ADGRA3: variants seen among roughly 807,000 people sequenced by gnomAD.
ADGRA3 encodes adhesion G protein-coupled receptor A3, also known as G-protein coupled receptor 125.
A neutral mutation model predicts 119.8 loss-of-function variants in ADGRA3; 56 were observed. The ratio of observed to expected loss-of-function variants is 0.47; its 90% CI spans 0.38 to 0.58. The LOEUF (loss-of-function observed/expected upper bound fraction) is 0.58. ADGRA3 is among the 20% of genes least tolerant of loss of function. ADGRA3 has a pLI of 0.00. For synonymous variants in ADGRA3, 607 were observed against 623.8 expected (o/e 0.97, Z 0.40); for missense variants, 1,516 against 1,649.0 (o/e 0.92, Z 1.40).
At chr4:22,501,180 A>T (rs1267264829) in intron 1 of ADGRA3, among the ~76,000 whole-genome samples, 1 of 152,152 alleles carries the variant, frequency 6.6e-6, no homozygotes, top group Non-Finnish European at 1.5e-5. Flanking sequence ...CTATCTCTTC[A>T]TCTAGCCTAT....
At chr4:22,490,996 T>G (rs1438222511) in intron 1 of ADGRA3, among the ~76,000 whole-genome samples, 1 of 151,726 alleles carries the variant, frequency 6.6e-6, no homozygotes, top group East Asian at 1.9e-4. Flanking sequence ...CATGAATGGA[T>G]CAAGGGAGGG....
intron 1 of ADGRA3, among the ~76,000 whole-genome samples, chr4:22,488,270 G>T (rs1718503940): frequency 1.3e-5 from 2 of 152,024 alleles, no homozygotes; most frequent in Admixed American, 6.6e-5. Context: ...TTACTAGCCA[G>T]GCCTAGACAG....
chr4:22,512,727 A>C (rs145315910), intron 1 of ADGRA3, among the ~76,000 whole-genome samples: 3 of 152,172 alleles, frequency 2.0e-5, no homozygotes, highest in Non-Finnish European at 4.4e-5. Flanking sequence ...AATTCTTCCT[A>C]AAGTCCTCAG....
intron 4 of ADGRA3, among the ~76,000 whole-genome samples, chr4:22,453,920 T>C (rs1212151846): frequency 6.6e-6 from 1 of 152,072 alleles, no homozygotes; most frequent in Non-Finnish European, 1.5e-5. Flanking sequence ...GGCGTAATCT[T>C]GGCTCACTGC....
chr4:22,392,956 GA>G, intron 16 of ADGRA3: 1 of 317,112 alleles, frequency 3.2e-6, no homozygotes, highest in Non-Finnish European at 5.7e-6. Flanking sequence ...ATACAGGACA[GA>G]ACTGGCTCCC....
rs150873441 is a variant in ADGRA3 at position 22,436,235 on chromosome 4, G to A, written c.1287+205C>T. ...TTCAAACAAAGGCACAAAGGGAGAT[G>A]GTGACTGCAAAGGAAGGATTCTATA... On this transcript the variant is annotated intron_variant, in intron 9 of 18. Coordinates refer to ENST00000334304, the MANE Select transcript of ADGRA3 (RefSeq NM_145290.4). Among the ~76,000 whole-genome samples the A allele has an allele frequency of 2.3e-3, 348 of 152,018 alleles. 1 individual carries two copies. Among genetic ancestry groups the A allele is most frequent in the African/African-American group, 7.8e-3 (325 of 41,486 alleles).
At chr4:22,502,604 G>A (rs764266130) in intron 1 of ADGRA3, among the ~76,000 whole-genome samples, 2 of 151,986 alleles carry the variant, frequency 1.3e-5, no homozygotes, top group East Asian at 3.9e-4. Flanking sequence ...TTTAACAGAG[G>A]AAGAAAGGAA....
At chr4:22,400,307 A>G (rs993573363) in intron 16 of ADGRA3, among the ~76,000 whole-genome samples, 32 of 152,308 alleles carry the variant, frequency 2.1e-4, no homozygotes, top group South Asian at 4.2e-4. Context: ...TATGTCCATC[A>G]ACAACAAATA....
chr4:22,413,145 G>T, intron 14 of ADGRA3, 37 bp downstream of exon 14: 2 of 1,428,160 alleles, frequency 1.4e-6, no homozygotes, highest in African/African-American at 1.4e-5. Flanking sequence ...CAAAAATGTA[G>T]AATAGTGTTT....
intron 5 of ADGRA3, among the ~76,000 whole-genome samples, chr4:22,445,338 G>A (rs1180736133): frequency 3.9e-5 from 6 of 152,096 alleles, no homozygotes; most frequent in African/African-American, 9.7e-5. Context: ...TGCTGATCCC[G>A]GGTTTCTGCT....
At chr4:22,396,245 A>G (rs1265337045) in intron 16 of ADGRA3, among the ~76,000 whole-genome samples, 1 of 152,202 alleles carries the variant, frequency 6.6e-6, no homozygotes, top group Non-Finnish European at 1.5e-5. Flanking sequence ...CCTACCTGAA[A>G]TGAATTTAGA....
At chr4:22,494,802 T>C (rs1718754261) in intron 1 of ADGRA3, among the ~76,000 whole-genome samples, 1 of 151,928 alleles carries the variant, frequency 6.6e-6, no homozygotes, top group South Asian at 2.1e-4. Context: ...AATAATACAT[T>C]TACAGAAGTC....
chr4:22,388,741 G>A lies in ADGRA3; in HGVS notation c.2930C>T (p.Ser977Phe), dbSNP rs768003943. ...NGEINHQDSM[S>F]LSLISTSALE... ...GGCTGATGTAGAAATCAGAGACAAA[G>A]ACATTGAATCCTGATGATTTATTTC... The change falls in exon 19 of 19, where the codon TCT becomes TTT. Residue 977 changes from serine to phenylalanine, a missense_variant. Coordinates refer to ENST00000334304, the MANE Select transcript of ADGRA3 (RefSeq NM_145290.4). 1.2e-6 allele frequency: 2 copies of A among 1,614,016 alleles called. No homozygotes were observed. Among genetic ancestry groups the A allele is most frequent in the Non-Finnish European group, 1.7e-6 (2 of 1,179,936 alleles).
chr4:22,447,455 G>T lies in ADGRA3; in HGVS notation c.530C>A (p.Ala177Glu). 2 of 1,563,752 alleles carry T rather than the reference G, an allele frequency of 1.3e-6. No individual in the cohort carries two copies. Among genetic ancestry groups the T allele is most frequent in the Non-Finnish European group, 1.7e-6 (2 of 1,155,652 alleles). ...SLSQGTFDYL[A>E]SLRSLEFQTE... Reference sequence around the variant, plus strand: ...TCTTACTTACAAAGACCGTAATGACGCAAGATAATCAAAAGTTCCTTGAGA... The same window carrying T: ...TCTTACTTACAAAGACCGTAATGACTCAAGATAATCAAAAGTTCCTTGAGA... The change falls in exon 5 of 19, where the codon GCG becomes GAG. Residue 177 changes from alanine (A) to glutamate (E), a missense_variant. Physicochemically the swap from Ala to Glu is moderately radical, Grantham distance 107. Transcript: ENST00000334304.
intron 1 of ADGRA3, among the ~76,000 whole-genome samples, chr4:22,506,784 T>C (rs1232929820): frequency 2.0e-5 from 3 of 152,158 alleles, no homozygotes; most frequent in Non-Finnish European, 4.4e-5. Flanking sequence ...TAGTGTACTT[T>C]TGTAAAGCTC....
chr4:22,435,326 C>T lies in ADGRA3; in HGVS notation c.1428G>A (p.Glu476=), dbSNP rs988902668. Reference sequence around the variant, plus strand: ...AGAGAAGTACCTCTTTTGATTTTTCCTCCTTGGTAAATCTTCCAAATTTTT... The same window carrying T: ...AGAGAAGTACCTCTTTTGATTTTTCTTCCTTGGTAAATCTTCCAAATTTTT... The part of the protein sequence containing the change: ...MIEKFGRFTK[E]EKSKELGDVM... The change falls in exon 10 of 19, where the codon GAG becomes GAA. Residue 476 remains glutamate (E), a synonymous_variant. Coordinates refer to ENST00000334304, the MANE Select transcript of ADGRA3 (RefSeq NM_145290.4). The T allele has an allele frequency of 9.9e-6, 16 of 1,612,738 alleles. No individual in the cohort carries two copies. Among genetic ancestry groups the T allele is most frequent in the African/African-American group, 2.7e-5 (2 of 74,868 alleles).
intron 2 of ADGRA3, among the ~76,000 whole-genome samples, chr4:22,469,651 G>A (rs144479627): frequency 5.3e-5 from 8 of 152,260 alleles, no homozygotes; most frequent in African/African-American, 1.9e-4. Flanking sequence ...TGTGGCACAG[G>A]ATACCGTAAT....
Position 22,435,453 on chromosome 4 carries a change from A to T in ADGRA3, c.1301T>A (p.Leu434His), listed in dbSNP as rs1275704907. 1.3e-6 allele frequency: 2 copies of T among 1,598,560 alleles called. No individual in the cohort carries two copies. Among genetic ancestry groups the T allele is most frequent in the Non-Finnish European group, 1.7e-6 (2 of 1,168,294 alleles). ...LYMFNQMPLN[L>H]TNAVATARQL... Reference sequence around the variant, plus strand: ...TCGAGCTGTTGCCACGGCATTGGTAAGATTGAGGGGCATCTACATTTCAAA... The same window carrying T: ...TCGAGCTGTTGCCACGGCATTGGTATGATTGAGGGGCATCTACATTTCAAA... The change falls in exon 10 of 19, where the codon CTT becomes CAT. Residue 434 changes from leucine to histidine, a missense_variant. Leu to His is a moderately conservative substitution (Grantham distance 99). Around this residue, in one of 2 missense-constraint regions of ADGRA3, gnomAD observed 1,088 missense variants for 1,107.1 expected, o/e 0.98. Coordinates refer to ENST00000334304, the MANE Select transcript of ADGRA3 (RefSeq NM_145290.4).
chr4:22,401,499 T>C lies in ADGRA3; in HGVS notation c.2413A>G (p.Ile805Val). The change falls in exon 16 of 19, where the codon ATT becomes GTT. Residue 805 changes from isoleucine to valine, a missense_variant. Physicochemically the swap from Ile to Val is conservative, Grantham distance 29. Transcript: ENST00000334304. Reference sequence around the variant, plus strand: ...ACAAAGACCACACAGGTTAGGAAAATATGAAAGCACAAGTTCACAAGCATG... The same window carrying C: ...ACAAAGACCACACAGGTTAGGAAAACATGAAAGCACAAGTTCACAAGCATG... ...WHMLVNLCFHIFLTCVVFVGG... is the reference protein window; with the variant it reads ...WHMLVNLCFHVFLTCVVFVGG... 8 of 1,611,548 alleles carry C rather than the reference T, an allele frequency of 5.0e-6. No homozygotes were observed. Among genetic ancestry groups the C allele is most frequent in the Non-Finnish European group, 6.8e-6 (8 of 1,178,514 alleles).
Sources: gnomAD v4.1 joint callset for allele counts (sites outside exome capture counted in the v4.1 genomes callset) on GRCh38, gnomAD v4.1.1 for gene constraint, gnomAD v4.1.1 regional missense constraint, MANE v1.5 for transcripts, NCBI Gene and HGNC (gene_info 2026-07-23, HGNC 2026-07-21) for gene names.